ECE1: variants seen among roughly 807,000 people sequenced by gnomAD.
ECE1 encodes the protein endothelin-converting enzyme 1.
A neutral mutation model predicts 98.6 loss-of-function variants in ECE1; 35 were observed. The observed-to-expected ratio is 0.35, with a 90% CI of 0.27 to 0.47. The LOEUF is 0.47. ECE1 is among the 20% of genes least tolerant of loss of function. The pLI, the probability that ECE1 is intolerant of heterozygous loss-of-function variation, is 1.00. For missense variants in ECE1, 814 were observed against 1,025.3 expected (o/e 0.79, Z 2.81); for synonymous variants, 394 against 407.1 (o/e 0.97, Z 0.39).
Position 21,317,550 on chromosome 1 carries a change from C to A in ECE1, c.4-27394G>T, listed in dbSNP as rs1301299665. On this transcript the variant is annotated intron_variant, in intron 1 of 18. Transcript: ENST00000415912. ...CTTGGTCCCCTGACCGGGATGGAGT[C>A]ATGGGCCCAGGCTGGCTGGAGCCCC... Among the ~76,000 whole-genome samples, 3 of 152,242 alleles carry A rather than the reference C, an allele frequency of 2.0e-5. No homozygotes were observed. In the East Asian group the frequency reaches 5.8e-4, roughly 29 times the overall value.
intron 1 of ECE1, among the ~76,000 whole-genome samples, chr1:21,341,115 T>C (rs1169185366): frequency 6.6e-6 from 1 of 152,156 alleles, no homozygotes; most frequent in Non-Finnish European, 1.5e-5. Context: ...GGGAGCCTTT[T>C]CTGATCCTCA....
At chr1:21,291,233 C>T (rs933444442), upstream of ECE1, among the ~76,000 whole-genome samples, 32 of 152,248 alleles carry the variant, frequency 2.1e-4, no homozygotes, top group African/African-American at 7.7e-4. Flanking sequence ...AGGCCCAGCA[C>T]TGTCCCAACC....
In ECE1 at chr1:21,322,156, T is replaced by C. The variant is rs912672040; in HGVS notation, c.3+23220A>G. ...AACAACTTCTGAAGTCAGCATTATA[T>C]GCCCCTTTTACAGATGAAGAAACAG... On this transcript the variant is annotated intron_variant, in intron 1 of 18. Coordinates refer to the ECE1 transcript ENST00000415912. The surrounding 1 kb of genome is among the most constrained non-coding windows in gnomAD (Gnocchi z 4.1). Among the ~76,000 whole-genome samples the C allele has an allele frequency of 6.6e-6, 1 of 152,182 alleles. No individual in the cohort carries two copies. Among genetic ancestry groups the C allele is most frequent in the African/African-American group, 2.4e-5 (1 of 41,432 alleles).
chr1:21,237,992 C>G lies in ECE1; in HGVS notation c.1389+142G>C, dbSNP rs41497246. On this transcript the variant is annotated intron_variant, in intron 11 of 18. Coordinates refer to ENST00000374893, the MANE Select transcript of ECE1 (RefSeq NM_001397.3). ...TTACCCAGGGCTCGAGGAAGTGAAG[C>G]CTCTGCATTGAGGCTGTGGCCCTAA... 26 of 745,186 alleles carry G rather than the reference C, an allele frequency of 3.5e-5. No individual in the cohort carries two copies. The Admixed American group carries it at 5.2e-4, about 15-fold the overall frequency. 46.2% of individuals were successfully genotyped at this position (745,186 alleles called of 1,614,324 possible).
At chr1:21,241,354 A>C (rs757721826) in intron 10 of ECE1, among the ~76,000 whole-genome samples, 14 of 151,710 alleles carry the variant, frequency 9.2e-5, no homozygotes, top group Non-Finnish European at 1.8e-4. Flanking sequence ...TTTGCAGATA[A>C]AAAACTGTGG....
rs552808873 is a variant in ECE1 at position 21,272,046 on chromosome 1, G to C, written c.493+653C>G. On this transcript the variant is annotated intron_variant, in intron 4 of 18. Coordinates refer to ENST00000374893, the MANE Select transcript of ECE1 (RefSeq NM_001397.3). ...CTACGCCAAGCTTGAAGCCACAAAA[G>C]TAACGACCACAGCCACCAGTTCTTG... 1.1e-4 allele frequency among the ~76,000 whole-genome samples: 16 copies of C among 152,136 alleles called. No individual in the cohort carries two copies. In the South Asian group the frequency reaches 3.3e-3, roughly 32 times the overall value.
In ECE1 at chr1:21,260,144, C is replaced by T; in HGVS notation, c.615+127G>A. ...GCACACTCGCTCTCTCTCTTTCTGTCTTTCTCTTGGTGCTACCGGCTGGAC... is the reference window on the plus strand; with the variant it reads ...GCACACTCGCTCTCTCTCTTTCTGTTTTTCTCTTGGTGCTACCGGCTGGAC... On this transcript the variant is annotated intron_variant, in intron 5 of 18. Transcript: ENST00000374893. This position sits in a 1 kb window ranked among gnomAD's most constrained non-coding sequence, Gnocchi z 4.3. 7.1e-7 allele frequency: 1 copy of T among 1,411,674 alleles called. No individual in the cohort carries two copies. The highest frequency in any genetic ancestry group is 1.7e-5 in the Admixed American group (1 of 58,666). The allele number at this position is 1,411,674 out of a possible 1,614,324, so 87.4% of individuals were successfully genotyped here. A position where few individuals can be genotyped will look rare whatever the true frequency, so the allele number is the denominator to read the frequency against.
intron 1 of ECE1, among the ~76,000 whole-genome samples, chr1:21,297,436 C>T (rs559799598): frequency 7.4e-4 from 112 of 152,224 alleles, no homozygotes; most frequent in Non-Finnish European, 3.8e-4. Context: ...ATGCCTTCCC[C>T]GGTGACCCCC....
chr1:21,308,093 A>G (rs1638637984), intron 1 of ECE1, among the ~76,000 whole-genome samples: 1 of 152,094 alleles, frequency 6.6e-6, no homozygotes, highest in South Asian at 2.1e-4. Flanking sequence ...TCCCCTGGAG[A>G]CATTTTCCAC....
chr1:21,282,869 C>T (rs1049548278), intron 2 of ECE1, among the ~76,000 whole-genome samples: 1 of 151,352 alleles, frequency 6.6e-6, no homozygotes, highest in Admixed American at 6.6e-5. Context: ...CAAATAAATA[C>T]TTGAGTGCTA....
At chr1:21,343,182 G>A (rs774222787) in intron 1 of ECE1, among the ~76,000 whole-genome samples, 28 of 152,156 alleles carry the variant, frequency 1.8e-4, no homozygotes, top group Non-Finnish European at 2.9e-4. Context: ...CTCCAAGGAC[G>A]TGCCAAAAAG....
In ECE1 at chr1:21,225,450, A is replaced by G; in HGVS notation, c.1850-10T>C. On this transcript the variant is annotated splice_polypyrimidine_tract_variant and intron_variant, in intron 16 of 18. Coordinates refer to ENST00000374893, the MANE Select transcript of ECE1 (RefSeq NM_001397.3). This position sits in a 1 kb window ranked among gnomAD's most constrained non-coding sequence, Gnocchi z 5.3. ...TTGTCATACTCCCGTCCTGTGGGTC[A>G]GAGGGAGGCGTCATGTCAAGGGAGG... 1 of 1,613,640 alleles carries G rather than the reference A, an allele frequency of 6.2e-7. No individual in the cohort carries two copies. Among genetic ancestry groups the G allele is most frequent in the Non-Finnish European group, 8.5e-7 (1 of 1,179,850 alleles).
intron 13 of ECE1, among the ~76,000 whole-genome samples, chr1:21,234,725 C>A (rs1000028387): frequency 1.3e-5 from 2 of 152,170 alleles, no homozygotes; most frequent in African/African-American, 2.4e-5. Context: ...TCAATCCCCC[C>A]ACCTCAGCCA....
chr1:21,249,511 C>CA (rs1410197174), intron 8 of ECE1, among the ~76,000 whole-genome samples: 1 of 149,332 alleles, frequency 6.7e-6, no homozygotes, highest in Non-Finnish European at 1.5e-5. Context: ...GCCTGGGCAA[C>CA]ATGGTGACAC....
intron 8 of ECE1, 29 bp from the exon 9 acceptor site, chr1:21,247,392 G>T: frequency 6.2e-7 from 1 of 1,614,164 alleles, no homozygotes; most frequent in Non-Finnish European, 8.5e-7. Flanking sequence ...GTGTGACCCT[G>T]TGGGGCTGCT....
chr1:21,242,509 AAGG>A (rs1335261410), intron 10 of ECE1, among the ~76,000 whole-genome samples: 1 of 152,214 alleles, frequency 6.6e-6, no homozygotes, highest in Non-Finnish European at 1.5e-5. Context: ...GGCTGAACAC[AAGG>A]AGGAGGGACC....
chr1:21,299,024 G>C (rs1337660344), intron 1 of ECE1: 1 of 378,486 alleles, frequency 2.6e-6, no homozygotes. Flanking sequence ...CCAGGCTGGG[G>C]AAGTCCCAAT....
intron 1 of ECE1, among the ~76,000 whole-genome samples, chr1:21,313,251 T>C (rs1638765935): frequency 6.6e-6 from 1 of 152,220 alleles, no homozygotes; most frequent in Admixed American, 6.5e-5. Flanking sequence ...GAGCTGGCGT[T>C]GCCTCGGTGA....
At chr1:21,278,622 A>G (rs2103336695) in intron 3 of ECE1, among the ~76,000 whole-genome samples, 1 of 152,346 alleles carries the variant, frequency 6.6e-6, no homozygotes, top group East Asian at 1.9e-4. Context: ...ACCACACTTC[A>G]CAGGGCTGCC....
Sources: gnomAD v4.1 joint callset for allele counts (sites outside exome capture counted in the v4.1 genomes callset) on GRCh38, gnomAD v4.1.1 for gene constraint, Gnocchi (gnomAD v3.1) non-coding constraint, MANE v1.5 for transcripts, NCBI Gene and HGNC (gene_info 2026-07-23, HGNC 2026-07-21) for gene names.